The following SORCS3 variants were observed in gnomAD, a reference collection of about 807,000 sequenced individuals.
SORCS3 encodes VPS10 domain-containing receptor SorCS3.
SORCS3 carries 57 observed loss-of-function variants against 146.3 expected under a neutral mutation model. The ratio of observed to expected loss-of-function variants is 0.39; its 90% CI spans 0.31 to 0.49. The LOEUF is 0.49. SORCS3 is among the 20% of genes least tolerant of loss of function. The pLI, the probability that SORCS3 is intolerant of heterozygous loss-of-function variation, is 0.92. For missense variants in SORCS3, 1,341 were observed against 1,575.5 expected (o/e 0.85, Z 2.52); for synonymous variants, 653 against 618.5 (o/e 1.06, Z -0.83).
chr10:104,734,500 T>C (rs561537503), intron 1 of SORCS3, among the ~76,000 whole-genome samples: 2 of 152,376 alleles, frequency 1.3e-5, no homozygotes, highest in East Asian at 3.9e-4. Context: ...TATCTGTTTC[T>C]CCCTGAGAAC....
intron 25 of SORCS3, among the ~76,000 whole-genome samples, chr10:105,259,950 C>T (rs1251910593): frequency 6.6e-6 from 1 of 152,050 alleles, no homozygotes; most frequent in Non-Finnish European, 1.5e-5. Flanking sequence ...TCTTCATTTC[C>T]CACATTCCTT....
At chr10:104,991,025 C>G (rs1391448781) in intron 4 of SORCS3, among the ~76,000 whole-genome samples, 1 of 152,160 alleles carries the variant, frequency 6.6e-6, no homozygotes, top group Non-Finnish European at 1.5e-5. Context: ...GACCTCCTGT[C>G]CCAGAGCAAG....
intron 5 of SORCS3, among the ~76,000 whole-genome samples, chr10:105,048,753 C>T (rs2055391754): frequency 6.6e-6 from 1 of 151,960 alleles, no homozygotes; most frequent in African/African-American, 2.4e-5. Flanking sequence ...GACAGTCTTT[C>T]CTTTCCAATC....
intron 1 of SORCS3, among the ~76,000 whole-genome samples, chr10:104,795,966 C>T (rs1313379218): frequency 6.6e-6 from 1 of 152,168 alleles, no homozygotes. Context: ...GTCATATGCC[C>T]CCTAGCAGAG....
intron 20 of SORCS3, among the ~76,000 whole-genome samples, chr10:105,241,363 C>A (rs192495499): frequency 6.6e-6 from 1 of 152,168 alleles, no homozygotes; most frequent in Non-Finnish European, 1.5e-5. Context: ...TCAGGGGGAG[C>A]GCAGCAGCCC....
chr10:104,647,665 G>C, intron 1 of SORCS3, among the ~76,000 whole-genome samples: 1 of 152,194 alleles, frequency 6.6e-6, no homozygotes, highest in East Asian at 1.9e-4. Flanking sequence ...GAGTTGGACT[G>C]TGCCTTAGCT....
intron 2 of SORCS3, among the ~76,000 whole-genome samples, chr10:104,859,133 T>C (rs1467600394): frequency 6.6e-6 from 1 of 152,096 alleles, no homozygotes; most frequent in Non-Finnish European, 1.5e-5. Flanking sequence ...TGTAAAATTA[T>C]GAGAATAAGA....
intron 4 of SORCS3, among the ~76,000 whole-genome samples, chr10:105,035,521 G>A (rs2055300118): frequency 6.6e-6 from 1 of 150,656 alleles, no homozygotes. Flanking sequence ...AGGCTGGAGT[G>A]CAGTGGTGCA....
intron 4 of SORCS3, among the ~76,000 whole-genome samples, chr10:104,985,693 C>T (rs1200752644): frequency 6.6e-6 from 1 of 152,142 alleles, no homozygotes; most frequent in Admixed American, 6.6e-5. Context: ...GATCCACGGT[C>T]TGCACAGTGG....
intron 1 of SORCS3, among the ~76,000 whole-genome samples, chr10:104,820,796 T>C (rs755896617): frequency 2.7e-4 from 41 of 152,200 alleles, no homozygotes; most frequent in Non-Finnish European, 4.6e-4. Context: ...AGTATTACAA[T>C]ACAATAAGAA....
chr10:104,975,970 C>A (rs1455827404), intron 3 of SORCS3, among the ~76,000 whole-genome samples: 1 of 152,146 alleles, frequency 6.6e-6, no homozygotes, highest in Non-Finnish European at 1.5e-5. Flanking sequence ...AGAAGAAAAC[C>A]TAGGCATTAC....
chr10:105,052,791 T>C (rs1340774972), intron 5 of SORCS3, among the ~76,000 whole-genome samples: 1 of 151,936 alleles, frequency 6.6e-6, no homozygotes. Flanking sequence ...AGTACCAAAT[T>C]GAAGGCTTGG....
chr10:104,651,553 A>C (rs557054919), intron 1 of SORCS3, among the ~76,000 whole-genome samples: 5 of 150,994 alleles, frequency 3.3e-5, no homozygotes, highest in Non-Finnish European at 5.9e-5. Flanking sequence ...AAAAAAAAAA[A>C]ACACAAAAAT....
intron 6 of SORCS3, among the ~76,000 whole-genome samples, chr10:105,097,767 A>G (rs2055756983): frequency 6.6e-6 from 1 of 152,202 alleles, no homozygotes. Context: ...GTACCCAAAG[A>G]TGACCTGACC....
At chr10:104,852,039 T>G (rs2018278915) in intron 2 of SORCS3, among the ~76,000 whole-genome samples, 1 of 152,252 alleles carries the variant, frequency 6.6e-6, no homozygotes, top group Admixed American at 6.5e-5. Context: ...GTGCCCAAGT[T>G]AAAGCTAAAG....
In SORCS3 at chr10:105,263,428, A is replaced by G. The variant is rs1006893545; in HGVS notation, c.*54A>G. On this transcript the variant is annotated 3_prime_UTR_variant, in exon 27 of 27. Coordinates refer to ENST00000369701, the MANE Select transcript of SORCS3 (RefSeq NM_014978.3). ...TTCTGACTTTTTATTTTTGATGATT[A>G]CTATTACTATTATTATGGAAAAATT... is the stretch of plus-strand genomic sequence containing the variant. The G allele has an allele frequency of 8.0e-6, 12 of 1,498,588 alleles. No homozygotes were observed. The highest frequency in any genetic ancestry group is 4.6e-5 in the South Asian group (4 of 86,854). 92.8% of individuals were successfully genotyped at this position (1,498,588 alleles called of 1,614,324 possible).
chr10:104,699,803 T>C (rs1327552667), intron 1 of SORCS3, among the ~76,000 whole-genome samples: 1 of 152,062 alleles, frequency 6.6e-6, no homozygotes, highest in Non-Finnish European at 1.5e-5. Context: ...TGTTGGAAAA[T>C]CATAGGAGCT....
intron 22 of SORCS3, among the ~76,000 whole-genome samples, chr10:105,252,569 G>A (rs1589711712): frequency 6.6e-6 from 1 of 152,184 alleles, no homozygotes; most frequent in Non-Finnish European, 1.5e-5. Context: ...ATAAGAGCAG[G>A]GGAGGTAGTG....
At chr10:104,645,223 G>T (rs1468088767) in intron 1 of SORCS3, among the ~76,000 whole-genome samples, 1 of 152,182 alleles carries the variant, frequency 6.6e-6, no homozygotes, top group East Asian at 1.9e-4. Context: ...TTTCTCTCCA[G>T]TTGCCTCCAG....
Sources: gnomAD v4.1 joint callset for allele counts (sites outside exome capture counted in the v4.1 genomes callset) on GRCh38, gnomAD v4.1.1 for gene constraint, MANE v1.5 for transcripts, NCBI Gene and HGNC (gene_info 2026-07-23, HGNC 2026-07-21) for gene names.